Variants in TTC6 observed in about 807,000 individuals in gnomAD.
TTC6 encodes tetratricopeptide repeat protein 6.
In TTC6, 172 loss-of-function variants were observed where a neutral mutation model predicts 210.4. The ratio of observed to expected loss-of-function variants is 0.82; its 90% CI spans 0.72 to 0.93. TTC6 has a LOEUF of 0.93. Ranked by LOEUF, TTC6 falls within the 40% of genes least tolerant of loss-of-function variation. TTC6 has a pLI of 0.00. For missense variants in TTC6, 2,414 were observed against 2,318.1 expected (o/e 1.04, Z -0.85); for synonymous variants, 804 against 819.6 (o/e 0.98, Z 0.32).
At chr14:37,824,321 A>G (rs2096165306) in intron 27 of TTC6, among the ~76,000 whole-genome samples, 2 of 152,206 alleles carry the variant, frequency 1.3e-5, no homozygotes, top group African/African-American at 4.8e-5. Context: ...TTATATACCT[A>G]GGCCCCACAG....
intron 14 of TTC6, among the ~76,000 whole-genome samples, chr14:37,774,525 T>C (rs752688416): frequency 2.6e-5 from 4 of 152,224 alleles, no homozygotes; most frequent in Non-Finnish European, 5.9e-5. Flanking sequence ...TCTGTTTATG[T>C]GATGAATCAC....
rs188468314 is a variant in TTC6 at position 37,727,163 on chromosome 14, A to G, written c.1818+2161A>G. Among the ~76,000 whole-genome samples the G allele has an allele frequency of 1.8e-4, 27 of 151,862 alleles. No individual in the cohort carries two copies. The East Asian group carries it at 4.6e-3, about 26-fold the overall frequency. ...GAAAAACACATGAGTTTAACCCACC[A>G]TCTTTGACCAAAAACCTTTTGTATT... On this transcript the variant is annotated intron_variant, in intron 7 of 30. Coordinates refer to ENST00000553443, the Ensembl canonical transcript of TTC6.
chr14:37,651,423 ATATTTTTTTTTTTTTT>A (rs1327561323), intron 1 of TTC6, among the ~76,000 whole-genome samples: 12 of 20,016 alleles, frequency 6.0e-4, no homozygotes, highest in East Asian at 4.8e-3. Flanking sequence ...ATATATATAT[ATATTTTTTTTTTTTTT>A]TTTTTTTTTT....
intron 20 of TTC6, chr14:37,802,473 G>A (rs2096109030): frequency 1.3e-5 from 2 of 152,070 alleles, no homozygotes; most frequent in South Asian, 4.1e-4. Flanking sequence ...ACATGAATGA[G>A]CTTGGAAGCT....
intron 7 of TTC6, among the ~76,000 whole-genome samples, chr14:37,732,628 TA>T (rs66460282): frequency 0.41 from 62,554 of 151,152 alleles, 13,965 homozygotes; most frequent in Non-Finnish European, 0.51. Context: ...TTTATTTATT[TA>T]TTTTTTTGAG....
At chr14:37,732,900 T>C (rs954208436) in intron 7 of TTC6, among the ~76,000 whole-genome samples, 1 of 152,146 alleles carries the variant, frequency 6.6e-6, no homozygotes, top group Non-Finnish European at 1.5e-5. Flanking sequence ...CCACCGGGCC[T>C]GGCCTGTTGT....
chr14:37,680,358 T>C, intron 2 of TTC6, 97 bp downstream of exon 4: 1 of 774,140 alleles, frequency 1.3e-6, no homozygotes, highest in Non-Finnish European at 2.0e-6. Context: ...AAAATTTCTC[T>C]GATGTATTTT....
chr14:37,764,095 C>A (rs1055515042), intron 14 of TTC6, among the ~76,000 whole-genome samples: 1 of 151,830 alleles, frequency 6.6e-6, no homozygotes. Context: ...CCCAAATTTT[C>A]TTCTGTTATT....
intron 26 of TTC6, among the ~76,000 whole-genome samples, chr14:37,820,689 G>A (rs1269578168): frequency 6.6e-6 from 1 of 152,058 alleles, no homozygotes; most frequent in East Asian, 1.9e-4. Context: ...CCATTGACCT[G>A]GTCACCATAG....
In TTC6 at chr14:37,748,178, A is replaced by AAT. The variant is rs2095941631; in HGVS notation, c.2364-760_2364-759insTA. On this transcript the variant is annotated intron_variant, in intron 10 of 30. Transcript: ENST00000553443. ...ATGGTGGCTTGCACTAGAATGTGGAAAGGAATAGATAACTTATGAAAGTAA... is the reference window on the plus strand; with the variant it reads ...ATGGTGGCTTGCACTAGAATGTGGAAATAGGAATAGATAACTTATGAAAGTAA... 2.0e-5 allele frequency among the ~76,000 whole-genome samples: 3 copies of AAT among 152,344 alleles called. No individual in the cohort carries two copies. In the South Asian group the frequency reaches 6.2e-4, roughly 32 times the overall value.
exon 27 of TTC6, chr14:37,823,839 C>T: frequency 1.2e-6 from 2 of 1,613,954 alleles, no homozygotes; most frequent in Non-Finnish European, 1.7e-6. Context: ...CGGGGAAATT[C>T]TTACATGGAA....
chr14:37,729,951 G>C (rs753170549), intron 7 of TTC6, among the ~76,000 whole-genome samples: 2 of 152,160 alleles, frequency 1.3e-5, no homozygotes, highest in Non-Finnish European at 2.9e-5. Flanking sequence ...AGTGAGAACT[G>C]GTGACCATGG....
At chr14:37,721,940 AT>A (rs1216383634) in intron 6 of TTC6, among the ~76,000 whole-genome samples, 7 of 146,468 alleles carry the variant, frequency 4.8e-5, no homozygotes, top group South Asian at 4.3e-4. Context: ...ATATATATAT[AT>A]TTTTTCCCCC....
chr14:37,674,785 C>T lies in TTC6; in HGVS notation c.940-5366C>T, dbSNP rs142992521. Among the ~76,000 whole-genome samples, 11 of 152,204 alleles carry T rather than the reference C, an allele frequency of 7.2e-5. No homozygotes were observed. The East Asian group carries it at 1.9e-3, about 27-fold the overall frequency. On this transcript the variant is annotated intron_variant, in intron 1 of 30. Coordinates refer to ENST00000553443, the Ensembl canonical transcript of TTC6. The stretch of plus-strand genomic sequence containing the variant: ...TTACTCTCACCTGTTACCTCTACAT[C>T]GATTTGTGTTTCTTTGCTATTAAAC...
chr14:37,596,807 A>G (rs1035473596), intron 1 of TTC6, among the ~76,000 whole-genome samples: 1 of 152,240 alleles, frequency 6.6e-6, no homozygotes, highest in Non-Finnish European at 1.5e-5. Flanking sequence ...TCTCATTTTA[A>G]GAAATGTGTT....
intron 1 of TTC6, among the ~76,000 whole-genome samples, chr14:37,651,505 C>G (rs1013541256): frequency 1.4e-4 from 18 of 131,068 alleles, no homozygotes; most frequent in African/African-American, 4.8e-4. Context: ...ATTTTCCTTT[C>G]ATAAATATTG....
chr14:37,770,503 T>C (rs1206973135), intron 14 of TTC6, among the ~76,000 whole-genome samples: 2 of 151,922 alleles, frequency 1.3e-5, no homozygotes, highest in East Asian at 3.9e-4. Context: ...TGGGTGCATA[T>C]ATATTTAGGA....
At chr14:37,790,601 A>G in intron 15 of TTC6, 116 bp from the exon 18 acceptor site, 1 of 822,842 alleles carries the variant, frequency 1.2e-6, no homozygotes, top group Non-Finnish European at 1.9e-6. Context: ...ATATGTTTCT[A>G]TTTTATATAA....
intron 12 of TTC6, among the ~76,000 whole-genome samples, chr14:37,750,553 C>A (rs758384906): frequency 5.3e-5 from 8 of 152,060 alleles, no homozygotes; most frequent in Non-Finnish European, 8.8e-5. Context: ...AGCATTTATC[C>A]AGCCTTTGAG....
Sources: allele counts gnomAD v4.1 joint callset (sites outside exome capture counted in the v4.1 genomes callset), GRCh38; gene constraint gnomAD v4.1.1; transcripts MANE v1.5; gene names NCBI Gene and HGNC (gene_info 2026-07-23, HGNC 2026-07-21).